The following MGST2 variants were observed in gnomAD, a reference collection of about 807,000 sequenced individuals.
The protein encoded by MGST2 is glutathione peroxidase MGST2.
Under a neutral mutation model 16.6 loss-of-function variants are expected in MGST2, and 9 were observed. The observed-to-expected ratio is 0.54, with a 90% CI of 0.33 to 0.95. The LOEUF (loss-of-function observed/expected upper bound fraction) is 0.95, where lower values mean the gene tolerates loss of function less well. Ranked by LOEUF, MGST2 falls within the 40% of genes least tolerant of loss-of-function variation. MGST2 has a pLI of 0.03. For missense variants in MGST2, 159 were observed against 175.1 expected (o/e 0.91, Z 0.52); for synonymous variants, 79 against 68.0 (o/e 1.16, Z -0.79).
intron 2 of MGST2, among the ~76,000 whole-genome samples, chr4:139,688,087 T>C (rs1726344307): frequency 1.3e-5 from 2 of 152,226 alleles, no homozygotes; most frequent in Admixed American, 1.3e-4. Context: ...TTTAAATACA[T>C]TTCCTCTGAT....
intron 4 of MGST2, 102 bp downstream of exon 4, chr4:139,703,638 G>C (rs565271118): frequency 1.8e-6 from 2 of 1,085,600 alleles, no homozygotes; most frequent in Non-Finnish European, 2.8e-6. Context: ...TGTGAGTTGT[G>C]GTGGCAAAAG....
chr4:139,693,330 A>G (rs921877956), intron 2 of MGST2, among the ~76,000 whole-genome samples: 12 of 149,280 alleles, frequency 8.0e-5, no homozygotes, highest in Admixed American at 2.0e-4. Context: ...GCGTGAACCC[A>G]GGAGGCGGAG....
chr4:139,681,002 C>T (rs996986375), intron 2 of MGST2, among the ~76,000 whole-genome samples: 2 of 149,716 alleles, frequency 1.3e-5, no homozygotes, highest in Non-Finnish European at 3.0e-5. Context: ...CCTGAAAACT[C>T]ATGTCCTTCT....
Position 139,704,065 on chromosome 4 carries a change from C to T in MGST2, c.361C>T (p.Leu121=), listed in dbSNP as rs777297133. ...GGGGATTTTGGCCTTGTTGACCCTCCTAGGTGCCCTGGGAATTGCAAACAG... is the reference window on the plus strand; with the variant it reads ...GGGGATTTTGGCCTTGTTGACCCTCTTAGGTGCCCTGGGAATTGCAAACAG... ...SLGILALLTL[L]GALGIANSFL... is the part of the protein sequence containing the mutation. The change falls in exon 5 of 5, where the codon CTA becomes TTA. Residue 121 remains leucine (L), a synonymous_variant. Transcript: ENST00000265498. 2 of 1,614,092 alleles carry T rather than the reference C, an allele frequency of 1.2e-6. No homozygotes were observed. Among genetic ancestry groups the T allele is most frequent in the East Asian group, 4.5e-5 (2 of 44,882 alleles).
chr4:139,752,539 A>G, the MGST2 span, among the ~76,000 whole-genome samples: 2 of 152,202 alleles, frequency 1.3e-5, no homozygotes, highest in African/African-American at 4.8e-5. Flanking sequence ...GATGGCTGGG[A>G]AAGTGGCTGG....
At chr4:139,722,572 A>G (rs141876673) in intron 5 of MGST2, among the ~76,000 whole-genome samples, 102 of 152,346 alleles carry the variant, frequency 6.7e-4, no homozygotes, top group Admixed American at 1.4e-3. Context: ...ATATTCAAAT[A>G]CAGATGATAG....
At chr4:139,666,747 G>C (rs1348747608) in intron 1 of MGST2, among the ~76,000 whole-genome samples, 1 of 152,182 alleles carries the variant, frequency 6.6e-6, no homozygotes, top group Non-Finnish European at 1.5e-5. Flanking sequence ...AGGGGTCCGA[G>C]TGCAAGAGTG....
chr4:139,709,749 G>A (rs1727669231), intron 5 of MGST2, among the ~76,000 whole-genome samples: 1 of 152,220 alleles, frequency 6.6e-6, no homozygotes, highest in African/African-American at 2.4e-5. Flanking sequence ...AAGATTTTCT[G>A]TGTTGAGCAT....
chr4:139,747,548 G>T, the MGST2 span, among the ~76,000 whole-genome samples: 1 of 152,054 alleles, frequency 6.6e-6, no homozygotes, highest in Non-Finnish European at 1.5e-5. Context: ...ACAAAAATTA[G>T]CCGGCTGTGG....
intron 5 of MGST2, among the ~76,000 whole-genome samples, chr4:139,724,478 T>C (rs1728385800): frequency 1.3e-5 from 2 of 152,228 alleles, no homozygotes; most frequent in Non-Finnish European, 2.9e-5. Context: ...CAGAAAATTT[T>C]CACCCAGTCT....
At chr4:139,672,094 TA>T (rs1730721913) in intron 1 of MGST2, among the ~76,000 whole-genome samples, 1 of 152,190 alleles carries the variant, frequency 6.6e-6, no homozygotes, top group Admixed American at 6.5e-5. Context: ...GATATCTCAG[TA>T]CCTCTTCCAT....
downstream of MGST2, among the ~76,000 whole-genome samples, chr4:139,708,988 A>G (rs770202677): frequency 7.4e-5 from 10 of 134,490 alleles, no homozygotes; most frequent in Non-Finnish European, 1.3e-4. Flanking sequence ...AACGAGAGCA[A>G]AACTCCGTCT....
rs767253042 is a variant in MGST2, at chr4:139,719,297, G to A, written c.*48+15101G>A. The A allele has an allele frequency of 3.9e-6, 6 of 1,539,520 alleles. No homozygotes were observed. In the East Asian group the frequency reaches 1.4e-4, roughly 35 times the overall value. On this transcript the variant is annotated intron_variant, in intron 5 of 5. Transcript: ENST00000616265. ...CACTTTTTAAGCTTTAACCACTCGAGTTGTGGATCTTGGGGCCTCTCTTGA... is the reference window on the plus strand; with the variant it reads ...CACTTTTTAAGCTTTAACCACTCGAATTGTGGATCTTGGGGCCTCTCTTGA...
chr4:139,720,166 C>T (rs1475896431), intron 5 of MGST2: 1 of 1,614,058 alleles, frequency 6.2e-7, no homozygotes, highest in Admixed American at 1.7e-5. Flanking sequence ...TATAAGGGGC[C>T]AGTCCCATCT....
chr4:139,719,504 C>T (rs776317245), intron 5 of MGST2: 1 of 1,613,974 alleles, frequency 6.2e-7, no homozygotes, highest in Non-Finnish European at 8.5e-7. Flanking sequence ...TTGGCTCTGG[C>T]TGCTTGGAGC....
rs774495519 is a variant in MGST2, at chr4:139,678,592, G to A, written c.108G>A (p.Thr36=). The A allele has an allele frequency of 9.3e-6, 15 of 1,613,874 alleles. No individual in the cohort carries two copies. Among genetic ancestry groups the A allele is most frequent in the Admixed American group, 3.3e-5 (2 of 59,980 alleles). The change falls in exon 2 of 5, where the codon ACG becomes ACA. Residue 36 remains threonine (T), a synonymous_variant. Coordinates refer to ENST00000265498, the MANE Select transcript of MGST2 (RefSeq NM_002413.5). ...VGKARLKYKV[T]PPAVTGSPEF... ...AGGCAAGATTAAAATACAAAGTTAC[G>A]CCCCCAGCAGTCACTGGGTCACCAG...
chr4:139,673,014 G>C (rs1730781365), intron 1 of MGST2, among the ~76,000 whole-genome samples: 2 of 152,178 alleles, frequency 1.3e-5, no homozygotes, highest in Admixed American at 1.3e-4. Context: ...ATCATATCCT[G>C]TTCCAGTAGG....
intron 1 of MGST2, among the ~76,000 whole-genome samples, chr4:139,677,194 A>G (rs895864982): frequency 4.6e-5 from 7 of 152,150 alleles, no homozygotes; most frequent in African/African-American, 1.7e-4. Context: ...ACCAATTTAG[A>G]AAGTTTATTT....
chr4:139,677,740 T>C (rs571151906), intron 1 of MGST2, among the ~76,000 whole-genome samples: 7 of 152,148 alleles, frequency 4.6e-5, no homozygotes, highest in Non-Finnish European at 1.0e-4. Flanking sequence ...CGACCTTGGG[T>C]AATCCACCCG....
Sources: allele counts gnomAD v4.1 joint callset (sites outside exome capture counted in the v4.1 genomes callset), GRCh38; gene constraint gnomAD v4.1.1; transcripts MANE v1.5; gene names NCBI Gene and HGNC (gene_info 2026-07-23, HGNC 2026-07-21).